GLT1D1: variants seen among roughly 807,000 people sequenced by gnomAD.
The protein encoded by GLT1D1 is glycosyltransferase 1 domain-containing protein 1.
A neutral mutation model predicts 28.7 loss-of-function variants in GLT1D1; 21 were observed. That is an observed-to-expected ratio of 0.73 (90% confidence interval 0.52 to 1.05). The LOEUF is 1.05. GLT1D1 is among the 50% of genes least tolerant of loss of function. GLT1D1 has a pLI of 0.00. For missense variants in GLT1D1, 343 were observed against 330.6 expected (o/e 1.04, Z -0.29); for synonymous variants, 147 against 124.8 (o/e 1.18, Z -1.19).
At chr12:128,865,578 T>C (rs1253890921) in intron 1 of GLT1D1, among the ~76,000 whole-genome samples, 1 of 152,126 alleles carries the variant, frequency 6.6e-6, no homozygotes, top group Non-Finnish European at 1.5e-5. Context: ...ATCCCAGCAC[T>C]TTGGGAGGCC....
At chr12:128,978,730 G>T (rs1880033136) in intron 7 of GLT1D1, among the ~76,000 whole-genome samples, 1 of 152,130 alleles carries the variant, frequency 6.6e-6, no homozygotes, top group Non-Finnish European at 1.5e-5. Context: ...TAGAAGAATG[G>T]CTACTCCGTA....
chr12:128,895,755 G>A (rs570402386), intron 3 of GLT1D1, among the ~76,000 whole-genome samples: 86 of 152,162 alleles, frequency 5.7e-4, no homozygotes, highest in African/African-American at 2.0e-3. Flanking sequence ...CACCGCTTCC[G>A]GCCTTACAGA....
chr12:128,874,122 CTCTCTTTCTTTCTT>C lies in GLT1D1; in HGVS notation c.69-1788_69-1775del, dbSNP rs1275298507. 5.7e-3 allele frequency among the ~76,000 whole-genome samples: 336 copies of C among 58,810 alleles called. 3 individuals carry two copies. The highest frequency in any genetic ancestry group is 0.012 in the Middle Eastern group (1 of 84). 38.6% of individuals were successfully genotyped at this position (58,810 alleles called of 152,430 possible). On this transcript the variant is annotated intron_variant, in intron 1 of 7. Transcript: ENST00000281703. ...TTTCTCTCTCTCTCTCTCTCTCTCT[CTCTCTTTCTTTCTT>C]TCTTTCTTTCTTTCTTTCTTTCTTT...
In GLT1D1 at chr12:128,899,241, C is replaced by T. The variant is rs749508368; in HGVS notation, c.329C>T (p.Ala110Val). The T allele has an allele frequency of 1.2e-6, 2 of 1,611,334 alleles. No homozygotes were observed. The highest frequency in any genetic ancestry group is 1.1e-5 in the South Asian group (1 of 91,044). ...TATTTTTGTTCATTTACTAGATTTGCTGTCGCTTTCACAGAGTCAATGAAG... is the reference window on the plus strand; with the variant it reads ...TATTTTTGTTCATTTACTAGATTTGTTGTCGCTTTCACAGAGTCAATGAAG... The change falls in exon 4 of 8, where the codon GCT (alanine) becomes GTT (valine). Residue 110 changes from alanine (A) to valine (V), a missense_variant. Physicochemically the swap from Ala to Val is moderately conservative, Grantham distance 64. Coordinates refer to ENST00000281703, the MANE Select transcript of GLT1D1 (RefSeq NM_144669.3).
At chr12:128,906,997 C>G in intron 4 of GLT1D1, 1 of 701,330 alleles carries the variant, frequency 1.4e-6, no homozygotes, top group South Asian at 1.5e-5. Flanking sequence ...CTGGCCTAAT[C>G]GGAATGAGCT....
chr12:128,868,207 C>G (rs1244553425), intron 1 of GLT1D1, among the ~76,000 whole-genome samples: 1 of 152,230 alleles, frequency 6.6e-6, no homozygotes, highest in Non-Finnish European at 1.5e-5. Context: ...CCAGCCCCTC[C>G]TGGGTCTCCC....
At chr12:128,911,885 C>T (rs1871565704) in intron 4 of GLT1D1, among the ~76,000 whole-genome samples, 2 of 152,174 alleles carry the variant, frequency 1.3e-5, no homozygotes, top group African/African-American at 4.8e-5. Context: ...ACCCGGCTGT[C>T]CTCCCTTGCC....
At chr12:128,940,799 G>A (rs1875132435) in intron 4 of GLT1D1, among the ~76,000 whole-genome samples, 1 of 152,254 alleles carries the variant, frequency 6.6e-6, no homozygotes, top group South Asian at 2.1e-4. Context: ...AAAAAGTTGA[G>A]GTGGAATTCA....
chr12:128,895,616 C>T (rs867977881), intron 3 of GLT1D1, among the ~76,000 whole-genome samples: 7 of 151,974 alleles, frequency 4.6e-5, no homozygotes, highest in African/African-American at 7.2e-5. Flanking sequence ...ACCACCACGC[C>T]GGGCTAATTT....
At chr12:128,965,212 T>A (rs900068182) in intron 7 of GLT1D1, among the ~76,000 whole-genome samples, 7 of 151,994 alleles carry the variant, frequency 4.6e-5, no homozygotes, top group Admixed American at 4.6e-4. Flanking sequence ...GATCTAGAGG[T>A]CAAGGACAGA....
At chr12:128,895,938 C>G (rs1214021062) in intron 3 of GLT1D1, among the ~76,000 whole-genome samples, 2 of 152,054 alleles carry the variant, frequency 1.3e-5, no homozygotes, top group Non-Finnish European at 2.9e-5. Context: ...TGGTGGAAAC[C>G]AATGAAGAAG....
In GLT1D1 at chr12:128,874,116, C is replaced by T. The variant is rs12371039; in HGVS notation, c.69-1798C>T. On this transcript the variant is annotated intron_variant, in intron 1 of 7. Transcript: ENST00000281703. ...TCTTTCTTTCTCTCTCTCTCTCTCT[C>T]TCTCTCTCTCTTTCTTTCTTTCTTT... Among the ~76,000 whole-genome samples, 299 of 59,440 alleles carry T rather than the reference C, an allele frequency of 5.0e-3. 6 individuals are homozygous for T. Among genetic ancestry groups the T allele is most frequent in the African/African-American group, 0.018 (209 of 11,544 alleles). 39.0% of individuals were successfully genotyped at this position (59,440 alleles called of 152,430 possible).
At chr12:128,882,447 T>C (rs575788802) in intron 2 of GLT1D1, among the ~76,000 whole-genome samples, 77 of 152,056 alleles carry the variant, frequency 5.1e-4, no homozygotes, top group Non-Finnish European at 1.0e-3. Context: ...CTGCTAATTT[T>C]TGTATTTTTA....
chr12:128,976,643 C>T (rs1286500384), intron 7 of GLT1D1, among the ~76,000 whole-genome samples: 4 of 152,186 alleles, frequency 2.6e-5, no homozygotes, highest in African/African-American at 4.8e-5. Context: ...TGTAGCTCAT[C>T]TTGGAAAAAT....
intron 4 of GLT1D1, among the ~76,000 whole-genome samples, chr12:128,907,208 C>T (rs761180333): frequency 1.3e-5 from 2 of 152,080 alleles, no homozygotes; most frequent in Non-Finnish European, 2.9e-5. Flanking sequence ...GCATTGAACA[C>T]GTGGGTTTCA....
chr12:128,908,761 A>G (rs910294263), intron 4 of GLT1D1, among the ~76,000 whole-genome samples: 1 of 152,024 alleles, frequency 6.6e-6, no homozygotes, highest in African/African-American at 2.4e-5. Flanking sequence ...CATCTTGGCT[A>G]ACACGGTGAA....
intron 4 of GLT1D1, among the ~76,000 whole-genome samples, chr12:128,922,474 A>C (rs1246739361): frequency 6.6e-6 from 1 of 152,184 alleles, no homozygotes; most frequent in East Asian, 1.9e-4. Flanking sequence ...TATTAAAATG[A>C]ATAGCTTGAC....
chr12:128,945,524 G>A lies in GLT1D1; in HGVS notation c.419+155G>A, dbSNP rs77375806. Among the ~76,000 whole-genome samples the A allele has an allele frequency of 8.5e-3, 1,301 of 152,252 alleles. 15 individuals are homozygous for A. The highest frequency in any genetic ancestry group is 0.029 in the African/African-American group (1,208 of 41,530). ...TCCCGGCGAGCCCGTGGCATCCTAG[G>A]CACTATTATTTGCCCAGGGAAAGGC... On this transcript the variant is annotated intron_variant, in intron 5 of 7. Coordinates refer to ENST00000281703, the MANE Select transcript of GLT1D1 (RefSeq NM_144669.3).
chr12:128,979,815 C>A (rs1464819736), intron 7 of GLT1D1, among the ~76,000 whole-genome samples: 6 of 152,062 alleles, frequency 3.9e-5, no homozygotes, highest in African/African-American at 1.4e-4. Context: ...CGGCTTAGCC[C>A]AGCCTACCTC....
Sources: allele counts gnomAD v4.1 joint callset (sites outside exome capture counted in the v4.1 genomes callset), GRCh38; gene constraint gnomAD v4.1.1; transcripts MANE v1.5; gene names NCBI Gene and HGNC (gene_info 2026-07-23, HGNC 2026-07-21).